TRPM3: variants seen among roughly 807,000 people sequenced by gnomAD.
TRPM3 encodes the protein transient receptor potential cation channel subfamily M member 3, also known as long transient receptor potential channel 3.
TRPM3 carries 77 observed loss-of-function variants against 181.2 expected under a neutral mutation model. That is an observed-to-expected ratio of 0.42 (90% confidence interval 0.35 to 0.51). TRPM3 has a LOEUF of 0.51. TRPM3 is among the 20% of genes least tolerant of loss of function. TRPM3 has a pLI of 0.01. For synonymous variants in TRPM3, 745 were observed against 796.4 expected (o/e 0.94, Z 1.09); for missense variants, 1,759 against 2,196.7 (o/e 0.80, Z 3.98).
chr9:71,444,506 C>T (rs1481610223), intron 1 of TRPM3, among the ~76,000 whole-genome samples: 1 of 152,112 alleles, frequency 6.6e-6, no homozygotes, highest in Non-Finnish European at 1.5e-5. Flanking sequence ...ATAAGATTCA[C>T]AGCTACATTA....
At chr9:71,045,091 TTTATTA>T (rs937533831) in intron 1 of TRPM3, among the ~76,000 whole-genome samples, 3 of 151,274 alleles carry the variant, frequency 2.0e-5, no homozygotes, top group South Asian at 2.1e-4. Context: ...ATTTTTACTA[TTTATTA>T]TTATTATTAT....
In TRPM3 at chr9:70,992,512, A is replaced by C. The variant is rs1332898003; in HGVS notation, c.178-128001T>G. ...ATGAGCCCTGTTCCTGTTCTCTTGA[A>C]GCTTATAATGTAGAGCAACACTGTC... On this transcript the variant is annotated intron_variant, in intron 1 of 25. Transcript: ENST00000677713. Among the ~76,000 whole-genome samples, 3 of 152,302 alleles carry C rather than the reference A, an allele frequency of 2.0e-5. No individual in the cohort carries two copies. The East Asian group carries it at 5.8e-4, about 29-fold the overall frequency.
intron 1 of TRPM3, among the ~76,000 whole-genome samples, chr9:71,014,960 T>C (rs1405460332): frequency 6.6e-6 from 1 of 152,188 alleles, no homozygotes; most frequent in Non-Finnish European, 1.5e-5. Context: ...TTCACTTCTT[T>C]TGTTATTTAA....
intron 1 of TRPM3, among the ~76,000 whole-genome samples, chr9:71,162,199 C>CAAAAAAAAAAAAAAAAAAAAA (rs35947110): frequency 2.7e-5 from 2 of 74,428 alleles, no homozygotes; most frequent in Non-Finnish European, 4.9e-5. Context: ...GACTCTGTCT[C>CAAAAAAAAAAAAAAAAAAAAA]AAAAAAAAAA....
At chr9:71,368,751 T>C (rs2092419241) in intron 1 of TRPM3, among the ~76,000 whole-genome samples, 1 of 152,244 alleles carries the variant, frequency 6.6e-6, no homozygotes, top group Non-Finnish European at 1.5e-5. Context: ...AGCAAATCTT[T>C]ATGATCTATA....
intron 1 of TRPM3, among the ~76,000 whole-genome samples, chr9:70,911,637 G>C (rs1048123499): frequency 5.9e-5 from 9 of 152,044 alleles, no homozygotes; most frequent in African/African-American, 2.2e-4. Flanking sequence ...ATTTATTAGT[G>C]ATTAAAATGG....
chr9:71,089,359 C>T (rs973190640), intron 1 of TRPM3, among the ~76,000 whole-genome samples: 2 of 151,046 alleles, frequency 1.3e-5, no homozygotes, highest in Admixed American at 6.6e-5. Flanking sequence ...ATATACAATA[C>T]ATATTTTTCT....
intron 6 of TRPM3, among the ~76,000 whole-genome samples, chr9:70,804,844 A>G (rs539370109): frequency 2.0e-5 from 3 of 151,808 alleles, no homozygotes; most frequent in Non-Finnish European, 4.4e-5. Context: ...TATTTTACTT[A>G]TTTTCTATCC....
chr9:70,883,443 G>A (rs1169767607), intron 1 of TRPM3, among the ~76,000 whole-genome samples: 1 of 152,170 alleles, frequency 6.6e-6, no homozygotes, highest in Non-Finnish European at 1.5e-5. Context: ...GAGATTACAT[G>A]TATTATGAGT....
intron 1 of TRPM3, among the ~76,000 whole-genome samples, chr9:71,165,444 G>A (rs1330194290): frequency 6.6e-6 from 1 of 152,102 alleles, no homozygotes; most frequent in Non-Finnish European, 1.5e-5. Flanking sequence ...TAGAAGATAG[G>A]ACATTTCACA....
chr9:71,205,523 G>A (rs2079072501), intron 1 of TRPM3, among the ~76,000 whole-genome samples: 1 of 152,152 alleles, frequency 6.6e-6, no homozygotes, highest in Admixed American at 6.5e-5. Context: ...TCCATGGCAA[G>A]TTTGTTGGCC....
chr9:71,036,781 A>C (rs554261630), intron 1 of TRPM3, among the ~76,000 whole-genome samples: 1 of 152,300 alleles, frequency 6.6e-6, no homozygotes, highest in African/African-American at 2.4e-5. Flanking sequence ...AGCATGGAAA[A>C]CCGGACAACT....
chr9:71,442,978 A>G (rs2094153867), intron 1 of TRPM3, among the ~76,000 whole-genome samples: 1 of 152,238 alleles, frequency 6.6e-6, no homozygotes, highest in Non-Finnish European at 1.5e-5. Flanking sequence ...GACCAATTCA[A>G]CACAGACAGT....
At position 71,035,982 on chromosome 9, in the gene TRPM3, CTTT is replaced by C. The variant is rs35101881; in HGVS notation, c.177+85193_177+85195del. 8.1e-5 allele frequency among the ~76,000 whole-genome samples: 8 copies of C among 98,216 alleles called. No homozygotes were observed. In the East Asian group the frequency reaches 8.6e-4, roughly 11 times the overall value. 64.4% of individuals were successfully genotyped at this position (98,216 alleles called of 152,430 possible). A position where few individuals can be genotyped will look rare whatever the true frequency, so the allele number is the denominator to read the frequency against. ...CTCAACTTGGTGATGCAAACATAGG[CTTT>C]TTTTTTTTTTTTTTTTTAATTTTGG... On this transcript the variant is annotated intron_variant, in intron 1 of 25. Transcript: ENST00000677713.
intron 1 of TRPM3, among the ~76,000 whole-genome samples, chr9:71,101,349 T>G (rs2068339268): frequency 6.6e-6 from 1 of 152,166 alleles, no homozygotes; most frequent in Admixed American, 6.6e-5. Context: ...AGTCTTCTCT[T>G]AGTCCTCACT....
chr9:70,907,030 A>G (rs1180603994), intron 1 of TRPM3, among the ~76,000 whole-genome samples: 1 of 152,254 alleles, frequency 6.6e-6, no homozygotes, highest in African/African-American at 2.4e-5. Flanking sequence ...TACATTTGTT[A>G]TCTACTCTTG....
intron 1 of TRPM3, among the ~76,000 whole-genome samples, chr9:71,018,271 G>T (rs2134461648): frequency 6.6e-6 from 1 of 151,144 alleles, no homozygotes; most frequent in African/African-American, 2.4e-5. Flanking sequence ...ATCTCAAGAA[G>T]CTAGGGGAAA....
chr9:70,811,929 A>G (rs184704153), intron 6 of TRPM3, among the ~76,000 whole-genome samples: 3 of 152,292 alleles, frequency 2.0e-5, no homozygotes, highest in African/African-American at 7.2e-5. Flanking sequence ...ATCTACATCT[A>G]TGACTATGTC....
At chr9:71,400,073 C>G (rs904095253) in intron 1 of TRPM3, among the ~76,000 whole-genome samples, 4 of 152,106 alleles carry the variant, frequency 2.6e-5, no homozygotes, top group African/African-American at 9.7e-5. Flanking sequence ...AATTGAAACA[C>G]TAAGTCAGAG....
Sources: allele counts gnomAD v4.1 joint callset (sites outside exome capture counted in the v4.1 genomes callset), GRCh38; gene constraint gnomAD v4.1.1; transcripts MANE v1.5; gene names NCBI Gene and HGNC (gene_info 2026-07-23, HGNC 2026-07-21).